The following DTX2 variants were observed in gnomAD, a reference collection of about 807,000 sequenced individuals.
DTX2 encodes the protein probable E3 ubiquitin-protein ligase DTX2.
A neutral mutation model predicts 55.3 loss-of-function variants in DTX2; 29 were observed. That is an observed-to-expected ratio of 0.52 (90% CI 0.39 to 0.71). DTX2 has a LOEUF of 0.71. Among genes scored for constraint, DTX2 ranks in the 30% least tolerant of loss-of-function variants. The pLI is 0.00. For synonymous variants in DTX2, 276 were observed against 340.4 expected (o/e 0.81, Z 2.08); for missense variants, 537 against 822.5 (o/e 0.65, Z 4.25).
chr7:76,473,978 A>G (rs1584143566), intron 2 of DTX2, among the ~76,000 whole-genome samples: 1 of 127,110 alleles, frequency 7.9e-6, no homozygotes, highest in Non-Finnish European at 1.6e-5. Context: ...CTGGAGTGCA[A>G]TGGCGCGATC....
At chr7:76,471,850 T>C (rs1807962852) in intron 2 of DTX2, among the ~76,000 whole-genome samples, 1 of 151,390 alleles carries the variant, frequency 6.6e-6, no homozygotes, top group Non-Finnish European at 1.5e-5. Flanking sequence ...TTCTTGGTTC[T>C]GGAGAAGCTG....
At chr7:76,466,777 T>C (rs1807233769) in intron 2 of DTX2, among the ~76,000 whole-genome samples, 1 of 152,278 alleles carries the variant, frequency 6.6e-6, no homozygotes, top group South Asian at 2.1e-4. Flanking sequence ...TTTGTATTTT[T>C]AGTAGAGACG....
chr7:76,494,806 TG>T (rs1810744993), intron 5 of DTX2, among the ~76,000 whole-genome samples: 1 of 128,078 alleles, frequency 7.8e-6, no homozygotes, highest in African/African-American at 2.9e-5. Flanking sequence ...TGGTACCTAC[TG>T]GGGGAGCATT....
chr7:76,477,445 G>C (rs1241541262), intron 2 of DTX2, among the ~76,000 whole-genome samples: 2 of 146,980 alleles, frequency 1.4e-5, no homozygotes, highest in African/African-American at 5.1e-5. Flanking sequence ...GTGCTGTGTG[G>C]GCACCTTATA....
At chr7:76,464,315 T>G (rs2116072774) in intron 2 of DTX2, among the ~76,000 whole-genome samples, 1 of 150,736 alleles carries the variant, frequency 6.6e-6, no homozygotes, top group East Asian at 2.0e-4. Context: ...TGTAAGTAGC[T>G]TAGTATGTAA....
Position 76,480,692 on chromosome 7 carries a change from C to G in DTX2, c.183C>G (p.His61Gln). Residue 61 changes from histidine (H) to glutamine (Q), a missense_variant, in exon 3 of 11, where the codon CAC (histidine) becomes CAG (glutamine). Physicochemically the swap from His to Gln is conservative, Grantham distance 24 (BLOSUM62 0). This residue lies in a region of DTX2 where 301 missense variants were observed against 396.6 expected (regional missense o/e 0.76). Transcript: ENST00000430490. ...GTTTTGGGCTTGGGAGCCTGGCCCA[C>G]AGCATCCCCTTGGGCCAGGCAGACC... The part of the protein sequence containing the change: ...GQRFGLGSLA[H>Q]SIPLGQADPS... The G allele has an allele frequency of 6.2e-7, 1 of 1,613,728 alleles. No individual in the cohort carries two copies. Among genetic ancestry groups the G allele is most frequent in the Non-Finnish European group, 8.5e-7 (1 of 1,179,832 alleles).
chr7:76,471,763 G>A (rs573286227), intron 2 of DTX2, among the ~76,000 whole-genome samples: 3 of 151,240 alleles, frequency 2.0e-5, no homozygotes, highest in African/African-American at 2.5e-5. Context: ...CCTCTGGGTA[G>A]GCCCGTAAAC....
chr7:76,505,942 T>C lies in DTX2; in HGVS notation c.*341T>C. The C allele has an allele frequency of 2.2e-6, 1 of 464,680 alleles. No homozygotes were observed. The highest frequency in any genetic ancestry group is 3.9e-6 in the Non-Finnish European group (1 of 255,564). The allele number at this position is 464,680 out of a possible 1,614,324, so 28.8% of individuals were successfully genotyped here. A position where few individuals can be genotyped will look rare whatever the true frequency, so the allele number is the denominator to read the frequency against. On this transcript the variant is annotated 3_prime_UTR_variant, in exon 11 of 11. Coordinates refer to ENST00000430490, the MANE Select transcript of DTX2 (RefSeq NM_001102594.3). The surrounding 1 kb of genome is among the most constrained non-coding windows in gnomAD (Gnocchi z 4.4). ...AGCCTGGACGGGCGTGGGTTCTGGGTCAGCTTCTTTTACCTCAATTTTGTT... is the reference window on the plus strand; with the variant it reads ...AGCCTGGACGGGCGTGGGTTCTGGGCCAGCTTCTTTTACCTCAATTTTGTT...
At chr7:76,464,759 C>G (rs1316006103) in intron 2 of DTX2, among the ~76,000 whole-genome samples, 1 of 150,392 alleles carries the variant, frequency 6.6e-6, no homozygotes, top group African/African-American at 2.5e-5. Context: ...CTGGATTATT[C>G]GCTTTGTGGC....
intron 4 of DTX2, among the ~76,000 whole-genome samples, chr7:76,489,835 G>A (rs1810235742): frequency 7.5e-6 from 1 of 134,066 alleles, no homozygotes; most frequent in African/African-American, 2.7e-5. Flanking sequence ...AAAATCCAAA[G>A]ACCAAATGAG....
At chr7:76,469,106 C>T (rs1315103272) in intron 2 of DTX2, among the ~76,000 whole-genome samples, 3 of 142,764 alleles carry the variant, frequency 2.1e-5, no homozygotes, top group Admixed American at 7.3e-5. Flanking sequence ...TGGTATGCAA[C>T]CCCTCCTGTT....
chr7:76,484,595 G>A (rs1158937926), intron 4 of DTX2, among the ~76,000 whole-genome samples: 29 of 137,954 alleles, frequency 2.1e-4, no homozygotes, highest in African/African-American at 7.7e-4. Flanking sequence ...CTGGTCCCAG[G>A]GAGGAAATCA....
intron 8 of DTX2, among the ~76,000 whole-genome samples, chr7:76,503,151 T>G (rs1212684438): frequency 6.6e-6 from 1 of 152,252 alleles, no homozygotes. Flanking sequence ...CAAATGCGAT[T>G]CACCCGTGGA....
At chr7:76,481,597 C>A (rs1809222846) in intron 3 of DTX2, among the ~76,000 whole-genome samples, 4 of 151,984 alleles carry the variant, frequency 2.6e-5, no homozygotes, top group Middle Eastern at 3.2e-3. Context: ...GTCCCCGGGG[C>A]CATCTGACAA....
At chr7:76,469,394 C>T (rs1356406964) in intron 2 of DTX2, among the ~76,000 whole-genome samples, 5 of 112,538 alleles carry the variant, frequency 4.4e-5, no homozygotes, top group Non-Finnish European at 7.0e-5. Flanking sequence ...GTGAATATTC[C>T]TTTTTTTTTT....
intron 2 of DTX2, among the ~76,000 whole-genome samples, chr7:76,477,657 G>A (rs944526437): frequency 2.1e-4 from 29 of 138,924 alleles, no homozygotes; most frequent in Non-Finnish European, 2.8e-4. Context: ...GATCAGTTGA[G>A]TATGGTGGCA....
At position 76,505,769 on chromosome 7, in the gene DTX2, C is replaced by T. The variant is rs777111226; in HGVS notation, c.*168C>T. 1.5e-5 allele frequency: 11 copies of T among 728,482 alleles called. No individual in the cohort carries two copies. The highest frequency in any genetic ancestry group is 2.3e-5 in the Non-Finnish European group (10 of 442,674). The allele number at this position is 728,482 out of a possible 1,614,324, so 45.1% of individuals were successfully genotyped here. On this transcript the variant is annotated 3_prime_UTR_variant, in exon 11 of 11. Coordinates refer to ENST00000430490, the MANE Select transcript of DTX2 (RefSeq NM_001102594.3). The surrounding 1 kb of genome is among the most constrained non-coding windows in gnomAD (Gnocchi z 4.4). Reference sequence around the variant, plus strand: ...CCCTGCCTGCCTCTCTCTCCTCCTCCCCTCTGGGAATTGGGCAGCCCTGGG... The same window carrying T: ...CCCTGCCTGCCTCTCTCTCCTCCTCTCCTCTGGGAATTGGGCAGCCCTGGG...
intron 2 of DTX2, among the ~76,000 whole-genome samples, chr7:76,469,222 T>C (rs1400927131): frequency 6.6e-6 from 1 of 150,802 alleles, no homozygotes; most frequent in Non-Finnish European, 1.5e-5. Flanking sequence ...TAGGGAGTCA[T>C]GGTAGCTGTG....
intron 3 of DTX2, among the ~76,000 whole-genome samples, chr7:76,481,892 T>C (rs878856120): frequency 9.9e-5 from 15 of 151,708 alleles, no homozygotes; most frequent in African/African-American, 2.4e-4. Context: ...GGGTCTCCAT[T>C]GCCCTGTGTT....
Sources: gnomAD v4.1 joint callset for allele counts (sites outside exome capture counted in the v4.1 genomes callset) on GRCh38, gnomAD v4.1.1 for gene constraint, gnomAD v4.1.1 regional missense constraint, Gnocchi (gnomAD v3.1) non-coding constraint, MANE v1.5 for transcripts, NCBI Gene and HGNC (gene_info 2026-07-23, HGNC 2026-07-21) for gene names.